TPMT: variants seen among roughly 807,000 people sequenced by gnomAD.
The protein encoded by TPMT is thiopurine S-methyltransferase, also known as S-adenosyl-L-methionine:thiopurine S-methyltransferase.
TPMT carries 18 observed loss-of-function variants against 34.2 expected under a neutral mutation model. The ratio of observed to expected loss-of-function variants is 0.53; its 90% CI spans 0.36 to 0.78. The LOEUF is 0.78. Ranked by LOEUF, TPMT falls within the 30% of genes least tolerant of loss-of-function variation. TPMT has a pLI of 0.00. For missense variants in TPMT, 265 were observed against 288.1 expected (o/e 0.92, Z 0.58); for synonymous variants, 69 against 92.4 (o/e 0.75, Z 1.45).
At chr6:18,142,689 T>G (rs1390869878) in intron 4 of TPMT, among the ~76,000 whole-genome samples, 3 of 152,022 alleles carry the variant, frequency 2.0e-5, no homozygotes, top group Non-Finnish European at 4.4e-5. Flanking sequence ...CCTCACTCCA[T>G]GCTTCAGACA....
rs1784091112 is a variant in TPMT, at chr6:18,138,965, T to A, written c.492A>T (p.Lys164Asn). Reference protein sequence around the residue: ...ALVAINPGDRKCYADTMFSLL... With the variant: ...ALVAINPGDRNCYADTMFSLL... ...ACAAAAAAAGAAAAATTACTTACCA[T>A]TTGCGATCACCTGGATTGATGGCAA... is the stretch of plus-strand genomic sequence containing the variant. Residue 164 changes from lysine to asparagine, a missense_variant and splice_region_variant, in exon 6 of 9, where the codon AAA (lysine) becomes AAT (asparagine). Coordinates refer to ENST00000309983, the MANE Select transcript of TPMT (RefSeq NM_000367.5). This position sits in a 1 kb window ranked among gnomAD's most constrained non-coding sequence, Gnocchi z 4.1. 2.5e-6 allele frequency: 4 copies of A among 1,613,060 alleles called. No homozygotes were observed. In the East Asian group the frequency reaches 8.9e-5, roughly 36 times the overall value.
rs756565678 is a variant in TPMT, at chr6:18,145,577, CAA to C, written c.234-1851_234-1850del. Among the ~76,000 whole-genome samples the C allele has an allele frequency of 1.3e-5, 2 of 152,162 alleles. No individual in the cohort carries two copies. The highest frequency in any genetic ancestry group is 2.9e-5 in the Non-Finnish European group (2 of 68,032). On this transcript the variant is annotated intron_variant, in intron 3 of 8. Coordinates refer to ENST00000309983, the MANE Select transcript of TPMT (RefSeq NM_000367.5). The surrounding 1 kb of genome is among the most constrained non-coding windows in gnomAD (Gnocchi z 5.6). ...CAGGACTGACTGTACCTTTTATCTACAAAAGAGTACGTACTTTCAATGTGGGC... is the reference window on the plus strand; with the variant it reads ...CAGGACTGACTGTACCTTTTATCTACAAGAGTACGTACTTTCAATGTGGGC...
chr6:18,133,736 T>A, intron 7 of TPMT, 68 bp downstream of exon 7: 1 of 1,145,618 alleles, frequency 8.7e-7, no homozygotes, highest in Non-Finnish European at 1.3e-6. Context: ...TTCTTATCCA[T>A]GTCATAGAAT....
Position 18,139,543 on chromosome 6 carries a change from A to T in TPMT, c.419+122T>A. 1.2e-6 allele frequency: 1 copy of T among 826,464 alleles called. No homozygotes were observed. Among genetic ancestry groups the T allele is most frequent in the South Asian group, 1.5e-5 (1 of 68,796 alleles). The allele number at this position is 826,464 out of a possible 1,614,324, so 51.2% of individuals were successfully genotyped here. A position where few individuals can be genotyped will look rare whatever the true frequency, so the allele number is the denominator to read the frequency against. ...AAAATATCTGCAGAACAGACATTCA[A>T]AAAAATGCTTTGTGGATGTTACACA... On this transcript the variant is annotated intron_variant, in intron 5 of 8. Coordinates refer to ENST00000309983, the MANE Select transcript of TPMT (RefSeq NM_000367.5). This position sits in a 1 kb window ranked among gnomAD's most constrained non-coding sequence, Gnocchi z 4.2.
At chr6:18,144,675 G>C (rs528679858) in intron 3 of TPMT, among the ~76,000 whole-genome samples, 2 of 148,364 alleles carry the variant, frequency 1.3e-5, no homozygotes, top group Non-Finnish European at 3.0e-5. Context: ...CACCACACCC[G>C]GGCTTTTCCT....
rs952709393 is a variant in TPMT, at chr6:18,150,177, C to T, written c.-44-1006G>A. Among the ~76,000 whole-genome samples the T allele has an allele frequency of 5.9e-5, 9 of 152,210 alleles. No individual in the cohort carries two copies. Among genetic ancestry groups the T allele is most frequent in the Admixed American group, 4.6e-4 (7 of 15,284 alleles). On this transcript the variant is annotated intron_variant, in intron 1 of 8. Transcript: ENST00000309983. This position sits in a 1 kb window ranked among gnomAD's most constrained non-coding sequence, Gnocchi z 5.3. ...TTGCTTAATTTGCTAGAGCAACTCA[C>T]AAACCTCAGAGAAATACTTAGTTAT...
In TPMT at chr6:18,144,802, C is replaced by A. The variant is rs193092813; in HGVS notation, c.234-1074G>T. 3.4e-3 allele frequency among the ~76,000 whole-genome samples: 521 copies of A among 151,218 alleles called. 4 individuals carry two copies. The highest frequency in any genetic ancestry group is 0.012 in the African/African-American group (482 of 41,180). On this transcript the variant is annotated intron_variant, in intron 3 of 8. Coordinates refer to ENST00000309983, the MANE Select transcript of TPMT (RefSeq NM_000367.5). ...GTGGCACAATCTCAGCTCACTGCAA[C>A]CTCCACCTCCCGAGTTCAACCAATT...
At chr6:18,133,916 T>C (rs1783994262) in intron 6 of TPMT, 27 bp from the exon 7 acceptor site, 1 of 1,596,910 alleles carries the variant, frequency 6.3e-7, no homozygotes, top group South Asian at 1.1e-5. Context: ...AAGGTATTTG[T>C]TACATTTCTC....
At chr6:18,134,962 CTG>C (rs1784017304) in intron 6 of TPMT, among the ~76,000 whole-genome samples, 5 of 152,218 alleles carry the variant, frequency 3.3e-5, no homozygotes, top group African/African-American at 1.2e-4. Flanking sequence ...CCTGGCTAGA[CTG>C]TGATCTATGT....
chr6:18,129,536 G>A lies in TPMT; in HGVS notation c.*1132C>T, dbSNP rs143503395. 266 of 151,680 alleles carry A rather than the reference G, an allele frequency of 1.8e-3. 4 individuals are homozygous for A. Among genetic ancestry groups the A allele is most frequent in the African/African-American group, 5.8e-3 (239 of 41,522 alleles). The allele number at this position is 151,680 out of a possible 1,614,324, so 9.4% of individuals were successfully genotyped here. A position where few individuals can be genotyped will look rare whatever the true frequency, so the allele number is the denominator to read the frequency against. The stretch of plus-strand genomic sequence containing the variant: ...AACAATCTAAACCATTTAGTTGTTG[G>A]GTAGTACAGAGTTATAGAGGACTGT... On this transcript the variant is annotated 3_prime_UTR_variant, in exon 9 of 9. Transcript: ENST00000309983.
At position 18,136,179 on chromosome 6, in the gene TPMT, A is replaced by G. The variant is rs1293751235; in HGVS notation, c.495-2290T>C. Among the ~76,000 whole-genome samples the G allele has an allele frequency of 6.6e-6, 1 of 152,028 alleles. No homozygotes were observed. The highest frequency in any genetic ancestry group is 1.9e-4 in the East Asian group (1 of 5,156). ...ACTAACCTCTAAGGAATGGATGATCATCTTCAGGGAGTGGGAAACACCTAC... is the reference window on the plus strand; with the variant it reads ...ACTAACCTCTAAGGAATGGATGATCGTCTTCAGGGAGTGGGAAACACCTAC... On this transcript the variant is annotated intron_variant, in intron 6 of 8. Coordinates refer to ENST00000309983, the MANE Select transcript of TPMT (RefSeq NM_000367.5). The surrounding 1 kb of genome is among the most constrained non-coding windows in gnomAD (Gnocchi z 4.7).
rs1784310713 is a variant in TPMT, at chr6:18,149,449, C to T, written c.-44-278G>A. 6.6e-6 allele frequency among the ~76,000 whole-genome samples: 1 copy of T among 151,702 alleles called. No homozygotes were observed. Among genetic ancestry groups the T allele is most frequent in the Non-Finnish European group, 1.5e-5 (1 of 67,914 alleles). On this transcript the variant is annotated intron_variant, in intron 1 of 8. Transcript: ENST00000309983. The surrounding 1 kb of genome is among the most constrained non-coding windows in gnomAD (Gnocchi z 5.0). ...GGGACTGCAGGTGTGCACCATCATG[C>T]CCAGCTAATCTTTCTTTCCTTGTTT...
chr6:18,143,661 TA>T lies in TPMT; in HGVS notation c.300del (p.Phe100LeufsTer49). The T allele has an allele frequency of 6.2e-7, 1 of 1,614,006 alleles. No individual in the cohort carries two copies. Among genetic ancestry groups the T allele is most frequent in the Non-Finnish European group, 8.5e-7 (1 of 1,180,002 alleles). On this transcript the variant is annotated frameshift_variant, in exon 4 of 9. Transcript: ENST00000309983. LOFTEE classifies it high-confidence loss of function. The surrounding 1 kb of genome is among the most constrained non-coding windows in gnomAD (Gnocchi z 6.1). The part of the protein sequence containing the change: ...EISELGIQEF[F>X]TEQNLSYSEE... ...TCTGAGTAAGAAAGATTCTGCTCTG[TA>T]AAAAATTCTTGTATCCCAAGTTCAC...
At position 18,148,303 on chromosome 6, in the gene TPMT, A is replaced by G. The variant is rs1012357348; in HGVS notation, c.141-388T>C. On this transcript the variant is annotated intron_variant, in intron 2 of 8. Transcript: ENST00000309983. The surrounding 1 kb of genome is among the most constrained non-coding windows in gnomAD (Gnocchi z 4.1). ...CCTCGGAAGTAAACCTGAGAAGTGT[A>G]ACTCCTGTAGTTTCTTGTAATTCCC... 9.9e-5 allele frequency among the ~76,000 whole-genome samples: 15 copies of G among 152,256 alleles called. No homozygotes were observed. The highest frequency in any genetic ancestry group is 3.6e-4 in the African/African-American group (15 of 41,550).
rs115662419 is a variant in TPMT at position 18,144,322 on chromosome 6, A to C, written c.234-594T>G. Among the ~76,000 whole-genome samples the C allele has an allele frequency of 8.3e-3, 1,269 of 152,312 alleles. 22 individuals are homozygous for C. Among genetic ancestry groups the C allele is most frequent in the African/African-American group, 0.029 (1,212 of 41,556 alleles). ...ATTTGCTTAAAATAAACACTATCCA[A>C]AAATTTGTATATTTTATCATATACA... is the stretch of plus-strand genomic sequence containing the variant. On this transcript the variant is annotated intron_variant, in intron 3 of 8. Transcript: ENST00000309983.
rs1037259229 is a variant in TPMT at position 18,133,892 on chromosome 6, A to G, written c.495-3T>C. 8.7e-6 allele frequency: 14 copies of G among 1,611,670 alleles called. No homozygotes were observed. Among genetic ancestry groups the G allele is most frequent in the Middle Eastern group, 3.3e-4 (2 of 6,048 alleles). ...GGGAAAACATTGTATCTGCATAGCT[A>G]CAAAGAACACAAGAAGGTATTTGTT... On this transcript the variant is annotated splice_region_variant and splice_polypyrimidine_tract_variant and intron_variant, in intron 6 of 8. Transcript: ENST00000309983.
At position 18,146,222 on chromosome 6, in the gene TPMT, T is replaced by TA. The variant is rs1288403915; in HGVS notation, c.233+1600_233+1601insT. ...TTACGTATATATACATATATATATA[T>TA]TTTTTGGAGACAGAGTCTCACTCTG... On this transcript the variant is annotated intron_variant, in intron 3 of 8. Coordinates refer to ENST00000309983, the MANE Select transcript of TPMT (RefSeq NM_000367.5). The surrounding 1 kb of genome is among the most constrained non-coding windows in gnomAD (Gnocchi z 6.2). Among the ~76,000 whole-genome samples the TA allele has an allele frequency of 4.0e-5, 6 of 151,874 alleles. No individual in the cohort carries two copies. Among genetic ancestry groups the TA allele is most frequent in the Non-Finnish European group, 8.8e-5 (6 of 67,988 alleles).
chr6:18,134,374 G>A lies in TPMT; in HGVS notation c.495-485C>T, dbSNP rs143145981. On this transcript the variant is annotated intron_variant, in intron 6 of 8. Transcript: ENST00000309983. ...TGCTGCAATTTAACAAATATCCTGG[G>A]TGACTGGGACCCCTCCAGGGGCCTT... 1.1e-3 allele frequency among the ~76,000 whole-genome samples: 171 copies of A among 152,322 alleles called. 1 individual carries two copies. The highest frequency in any genetic ancestry group is 3.8e-3 in the African/African-American group (158 of 41,574).
At chr6:18,141,668 A>T (rs1367778277) in intron 4 of TPMT, among the ~76,000 whole-genome samples, 1 of 152,174 alleles carries the variant, frequency 6.6e-6, no homozygotes, top group African/African-American at 2.4e-5. Flanking sequence ...TTTAGAAAAG[A>T]GTACTTTGTG....
Sources: allele counts gnomAD v4.1 joint callset (sites outside exome capture counted in the v4.1 genomes callset), GRCh38; gene constraint gnomAD v4.1.1; non-coding constraint Gnocchi (gnomAD v3.1); transcripts MANE v1.5; gene names NCBI Gene and HGNC (gene_info 2026-07-23, HGNC 2026-07-21).